ECPAS: variants seen among roughly 807,000 people sequenced by gnomAD.
ECPAS encodes proteasome adapter and scaffold protein ECM29.
ECPAS carries 70 observed loss-of-function variants against 255.1 expected under a neutral mutation model. The observed-to-expected ratio is 0.27, with a 90% CI of 0.23 to 0.33. The LOEUF (loss-of-function observed/expected upper bound fraction) is 0.33. Ranked by LOEUF, ECPAS falls within the 10% of genes least tolerant of loss-of-function variation. ECPAS has a pLI of 1.00. For missense variants in ECPAS, 1,817 were observed against 2,206.4 expected (o/e 0.82, Z 3.54); for synonymous variants, 784 against 775.0 (o/e 1.01, Z -0.19).
At chr9:111,419,665 C>T (rs927958651) in intron 16 of ECPAS, among the ~76,000 whole-genome samples, 2 of 151,254 alleles carry the variant, frequency 1.3e-5, no homozygotes, top group African/African-American at 2.4e-5. Context: ...CTTTTTTCTC[C>T]TTACATAGGG....
In ECPAS at chr9:111,361,874, T is replaced by C. The variant is rs2098113663; in HGVS notation, c.*156A>G. 2 of 876,430 alleles carry C rather than the reference T, an allele frequency of 2.3e-6. No individual in the cohort carries two copies. The highest frequency in any genetic ancestry group is 3.4e-6 in the Non-Finnish European group (2 of 596,782). 54.3% of individuals were successfully genotyped at this position (876,430 alleles called of 1,614,324 possible). A position where few individuals can be genotyped will look rare whatever the true frequency, so the allele number is the denominator to read the frequency against. ...AAAACATAAAGTAAAATAAAGCTAATAAGGAACAAAATTTAAGGCTTTTTC... is the reference window on the plus strand; with the variant it reads ...AAAACATAAAGTAAAATAAAGCTAACAAGGAACAAAATTTAAGGCTTTTTC... On this transcript the variant is annotated 3_prime_UTR_variant, in exon 50 of 50. Coordinates refer to ENST00000684092, the MANE Select transcript of ECPAS (RefSeq NM_001364929.1).
chr9:111,412,550 G>A (rs1329103229), intron 20 of ECPAS, among the ~76,000 whole-genome samples: 1 of 152,144 alleles, frequency 6.6e-6, no homozygotes, highest in African/African-American at 2.4e-5. Flanking sequence ...CAATGTTTGT[G>A]TCATGAAACA....
chr9:111,441,765 G>C (rs192381704), intron 5 of ECPAS, among the ~76,000 whole-genome samples: 62 of 152,236 alleles, frequency 4.1e-4, no homozygotes, highest in African/African-American at 1.5e-3. Context: ...TCTAAAAGGT[G>C]AACTGAAAAC....
At chr9:111,438,989 C>T (rs1202604698) in intron 6 of ECPAS, among the ~76,000 whole-genome samples, 1 of 152,178 alleles carries the variant, frequency 6.6e-6, no homozygotes, top group Non-Finnish European at 1.5e-5. Flanking sequence ...ATTTATCTGG[C>T]AGATGGACAA....
In ECPAS at chr9:111,413,927, T is replaced by G. The variant is rs764375150; in HGVS notation, c.2047A>C (p.Thr683Pro). The G allele has an allele frequency of 1.3e-6, 2 of 1,587,322 alleles. No individual in the cohort carries two copies. Among genetic ancestry groups the G allele is most frequent in the Non-Finnish European group, 1.7e-6 (2 of 1,165,380 alleles). ...AVSVYPEKLA[T>P]KFVDKTEWIK... ...CATTCTGTTTTGTCTACAAATTTGG[T>G]AGCCAGCTTTTCTGGATACACTGAC... The change falls in exon 20 of 50, where the codon ACC becomes CCC. Residue 683 changes from threonine to proline, a missense_variant. Thr to Pro is a conservative substitution (Grantham distance 38, BLOSUM62 -1). Around this residue, in one of 4 missense-constraint regions of ECPAS, gnomAD observed 573 missense variants for 716.2 expected, o/e 0.80. Coordinates refer to ENST00000684092, the MANE Select transcript of ECPAS (RefSeq NM_001364929.1).
chr9:111,394,097 C>G (rs1297857082), intron 26 of ECPAS, 63 bp downstream of exon 26: 4 of 1,468,160 alleles, frequency 2.7e-6, no homozygotes, highest in Non-Finnish European at 2.7e-6. Context: ...CCCTCATATG[C>G]TTTCCTTGCT....
At chr9:111,396,400 ACAT>A (rs2098167678) in intron 25 of ECPAS, among the ~76,000 whole-genome samples, 1 of 152,234 alleles carries the variant, frequency 6.6e-6, no homozygotes, top group Non-Finnish European at 1.5e-5. Context: ...ATTAGAGGAC[ACAT>A]CATCTGGAAA....
chr9:111,390,132 A>G lies in ECPAS; in HGVS notation c.3162-31T>C, dbSNP rs766573190. 1.0e-5 allele frequency: 13 copies of G among 1,305,072 alleles called. No individual in the cohort carries two copies. In the South Asian group the frequency reaches 1.7e-4, roughly 17 times the overall value. 80.8% of individuals were successfully genotyped at this position (1,305,072 alleles called of 1,614,324 possible). A position where few individuals can be genotyped will look rare whatever the true frequency, so the allele number is the denominator to read the frequency against. ...AAACAAAGAAAAAGAGGTAGGCAATAATACACTTCTCTCTCTCCAGCCTAA... is the reference window on the plus strand; with the variant it reads ...AAACAAAGAAAAAGAGGTAGGCAATGATACACTTCTCTCTCTCCAGCCTAA... On this transcript the variant is annotated intron_variant, in intron 29 of 49. Coordinates refer to ENST00000684092, the MANE Select transcript of ECPAS (RefSeq NM_001364929.1).
chr9:111,451,570 G>GA lies in ECPAS; in HGVS notation c.23-16dup. On this transcript the variant is annotated splice_polypyrimidine_tract_variant and intron_variant, in intron 2 of 49. Transcript: ENST00000684092. ...TTCAAGCTGATCTATAATATAAAAAGAAAAAAAGAGAGAACTTAGCAAGCC... is the reference window on the plus strand; with the variant it reads ...TTCAAGCTGATCTATAATATAAAAAGAAAAAAAAGAGAGAACTTAGCAAGCC... 6.6e-7 allele frequency: 1 copy of GA among 1,521,938 alleles called. No homozygotes were observed. The highest frequency in any genetic ancestry group is 1.3e-5 in the South Asian group (1 of 77,320). The allele number at this position is 1,521,938 out of a possible 1,614,324, so 94.3% of individuals were successfully genotyped here.
At chr9:111,435,056 G>C (rs569513185) in intron 7 of ECPAS, among the ~76,000 whole-genome samples, 2 of 151,224 alleles carry the variant, frequency 1.3e-5, no homozygotes, top group Non-Finnish European at 2.9e-5. Flanking sequence ...GCACCACCAC[G>C]CCCAGCTAAT....
At chr9:111,430,662 A>G (rs2131842811) in intron 8 of ECPAS, 34 bp from the exon 9 acceptor site, 1 of 1,419,424 alleles carries the variant, frequency 7.0e-7, no homozygotes, top group East Asian at 2.4e-5. Flanking sequence ...TGTTAAAATT[A>G]TTTTTCCCCC....
In ECPAS at chr9:111,375,193, A is replaced by G. The variant is rs781679050; in HGVS notation, c.4030T>C (p.Tyr1344His). Residue 1344 changes from tyrosine (Y) to histidine (H), a missense_variant, in exon 38 of 50, where the codon TAC becomes CAC. Physicochemically the swap from Tyr to His is moderately conservative, Grantham distance 83. Transcript: ENST00000684092. ...TCGCCCAGCACTGACACATCAAGGT[A>G]TTGCAGGCACTTTTGAAAAAGGACA... ...MMETINMCLQ[Y>H]LDVSVLGELV... 2.5e-6 allele frequency: 4 copies of G among 1,613,568 alleles called. No homozygotes were observed. The highest frequency in any genetic ancestry group is 3.4e-6 in the Non-Finnish European group (4 of 1,179,586).
chr9:111,430,804 G>T (rs1048610671), intron 8 of ECPAS, among the ~76,000 whole-genome samples, 176 bp from the exon 9 acceptor site: 1 of 152,222 alleles, frequency 6.6e-6, no homozygotes, highest in Admixed American at 6.5e-5. Context: ...TTCTATCAAA[G>T]TATGTTTTTA....
At chr9:111,399,191 A>C (rs2098171877) in intron 24 of ECPAS, among the ~76,000 whole-genome samples, 1 of 152,056 alleles carries the variant, frequency 6.6e-6, no homozygotes, top group Admixed American at 6.6e-5. Flanking sequence ...AAAAACTTAA[A>C]ATTGAGAAAA....
chr9:111,394,089 C>T, intron 26 of ECPAS, 71 bp downstream of exon 26: 2 of 1,415,992 alleles, frequency 1.4e-6, no homozygotes, highest in Non-Finnish European at 1.9e-6. Flanking sequence ...GACCTTCACC[C>T]TCATATGCTT....
At chr9:111,401,265 G>A (rs991520248) in intron 24 of ECPAS, among the ~76,000 whole-genome samples, 7 of 152,140 alleles carry the variant, frequency 4.6e-5, no homozygotes, top group African/African-American at 1.7e-4. Context: ...CTGAGAAATA[G>A]AAAGAGTAAA....
At chr9:111,433,398 A>C (rs748063151) in intron 7 of ECPAS, 26 bp from the exon 8 acceptor site, 1 of 1,613,612 alleles carries the variant, frequency 6.2e-7, no homozygotes, top group South Asian at 1.1e-5. Context: ...GGGAAGGAGA[A>C]AGAACAGTCA....
At chr9:111,441,657 A>C (rs1348233453) in intron 5 of ECPAS, among the ~76,000 whole-genome samples, 1 of 152,240 alleles carries the variant, frequency 6.6e-6, no homozygotes, top group African/African-American at 2.4e-5. Context: ...GATACTCTTA[A>C]AACATCTGAC....
At chr9:111,362,210 A>G (rs763295773) in intron 49 of ECPAS, 41 bp from the exon 50 acceptor site, 5 of 1,506,698 alleles carry the variant, frequency 3.3e-6, no homozygotes, top group African/African-American at 2.8e-5. Flanking sequence ...AAAACAAAAA[A>G]CAAAGCAAAA....
Sources: allele counts gnomAD v4.1 joint callset (sites outside exome capture counted in the v4.1 genomes callset), GRCh38; gene constraint gnomAD v4.1.1; regional missense constraint gnomAD v4.1.1; transcripts MANE v1.5; gene names NCBI Gene and HGNC (gene_info 2026-07-23, HGNC 2026-07-21).